Variants in RGS7 observed in about 807,000 individuals in gnomAD.
The protein encoded by RGS7 is regulator of G-protein signaling 7.
In RGS7, 27 loss-of-function variants were observed where a neutral mutation model predicts 81.1. The ratio of observed to expected loss-of-function variants is 0.33; its 90% CI spans 0.25 to 0.46. The LOEUF (loss-of-function observed/expected upper bound fraction) is 0.46, where lower values mean the gene tolerates loss of function less well. RGS7 is among the 20% of genes least tolerant of loss of function. The pLI is 1.00. For missense variants in RGS7, 396 were observed against 607.4 expected (o/e 0.65, Z 3.66); for synonymous variants, 208 against 207.7 (o/e 1.00, Z -0.01).
chr1:240,966,487 C>CA (rs2148492282), intron 4 of RGS7, among the ~76,000 whole-genome samples: 1 of 152,128 alleles, frequency 6.6e-6, no homozygotes, highest in African/African-American at 2.4e-5. Context: ...TATGGCCTTG[C>CA]TGTTCCTTTG....
chr1:241,030,115 T>C lies in RGS7; in HGVS notation c.176-46986A>G, dbSNP rs760196750. Among the ~76,000 whole-genome samples the C allele has an allele frequency of 8.9e-4, 135 of 152,140 alleles. 1 individual carries two copies. Among genetic ancestry groups the C allele is most frequent in the African/African-American group, 3.2e-3 (134 of 41,434 alleles). ...TTTTAGGTTGTCACTTTCTCACTGA[T>C]GCTTGGCAATTTACTTAAGGGAATA... On this transcript the variant is annotated intron_variant, in intron 3 of 18. Transcript: ENST00000440928.
Position 241,056,402 on chromosome 1 carries a change from T to G in RGS7, c.175+42264A>C, listed in dbSNP as rs550099392. Among the ~76,000 whole-genome samples, 33 of 152,346 alleles carry G rather than the reference T, an allele frequency of 2.2e-4. No homozygotes were observed. In the South Asian group the frequency reaches 6.8e-3, roughly 32 times the overall value. On this transcript the variant is annotated intron_variant, in intron 3 of 18. Coordinates refer to ENST00000440928, the MANE Select transcript of RGS7 (RefSeq NM_001364886.1). The stretch of plus-strand genomic sequence containing the variant: ...CTGTACCCATCTCATCTCATTCATT[T>G]ACGTTTTTGTGTGTGCCTTTATTTT...
chr1:240,793,611 A>ATATATATATATATATATTTTTT, intron 18 of RGS7, among the ~76,000 whole-genome samples: 45 of 78,728 alleles, frequency 5.7e-4, no homozygotes, highest in African/African-American at 1.2e-3. Flanking sequence ...ATATATATAT[A>ATATATATATATATATATTTTTT]TTTTTTTTTT....
chr1:240,959,383 A>G (rs1195853941), intron 4 of RGS7, among the ~76,000 whole-genome samples: 2 of 152,326 alleles, frequency 1.3e-5, no homozygotes, highest in Middle Eastern at 3.4e-3. Context: ...TATATGGTAT[A>G]GCCTATTGCT....
intron 2 of RGS7, among the ~76,000 whole-genome samples, chr1:241,265,580 T>C (rs1489104937): frequency 3.3e-5 from 5 of 151,864 alleles, no homozygotes; most frequent in Admixed American, 3.3e-4. Context: ...GGCTCCAAAG[T>C]TTACATAGGT....
chr1:240,901,365 C>T (rs909039047), intron 6 of RGS7, among the ~76,000 whole-genome samples: 13 of 152,288 alleles, frequency 8.5e-5, no homozygotes, highest in African/African-American at 3.1e-4. Flanking sequence ...CCGTCTTCTG[C>T]GTCGCTCATG....
chr1:241,226,090 G>A (rs1371774635), intron 2 of RGS7, among the ~76,000 whole-genome samples: 1 of 152,106 alleles, frequency 6.6e-6, no homozygotes, highest in Non-Finnish European at 1.5e-5. Context: ...CAAGAGTGAT[G>A]GAGATGAGAG....
chr1:240,895,630 T>G (rs261814), intron 6 of RGS7, among the ~76,000 whole-genome samples: 1 of 152,016 alleles, frequency 6.6e-6, no homozygotes, highest in Non-Finnish European at 1.5e-5. Flanking sequence ...TCCTTTTTTA[T>G]GGCTGCATAG....
intron 2 of RGS7, among the ~76,000 whole-genome samples, chr1:241,351,925 G>A (rs975946726): frequency 7.9e-5 from 12 of 152,216 alleles, no homozygotes; most frequent in Non-Finnish European, 1.5e-4. Flanking sequence ...TCTTGCTAGT[G>A]AGAAGCCAGC....
intron 3 of RGS7, among the ~76,000 whole-genome samples, chr1:241,081,895 T>C (rs2063153095): frequency 6.6e-6 from 1 of 152,200 alleles, no homozygotes; most frequent in African/African-American, 2.4e-5. Context: ...GATTTGGTTG[T>C]ACTGAGAAGA....
intron 2 of RGS7, among the ~76,000 whole-genome samples, chr1:241,299,830 A>C (rs1336952368): frequency 6.6e-6 from 1 of 151,182 alleles, no homozygotes; most frequent in Non-Finnish European, 1.5e-5. Context: ...TAAAAAAAAA[A>C]AAAGGCTGGG....
At chr1:241,098,908 G>C in intron 2 of RGS7, 146 bp from the exon 3 acceptor site, 2 of 659,300 alleles carry the variant, frequency 3.0e-6, no homozygotes, top group South Asian at 1.7e-5. Context: ...CACATTAATA[G>C]TTTAAATACT....
chr1:241,246,976 G>T (rs2076579587), intron 2 of RGS7, among the ~76,000 whole-genome samples: 1 of 151,952 alleles, frequency 6.6e-6, no homozygotes, highest in African/African-American at 2.4e-5. Context: ...CCATCTCCTA[G>T]AAACTCCCAG....
intron 2 of RGS7, among the ~76,000 whole-genome samples, chr1:241,226,927 C>T (rs902366857): frequency 1.3e-5 from 2 of 152,130 alleles, no homozygotes; most frequent in African/African-American, 4.8e-5. Flanking sequence ...TTCTCTGATG[C>T]TTTCATTAAA....
intron 4 of RGS7, among the ~76,000 whole-genome samples, chr1:240,939,824 A>C (rs992807323): frequency 6.6e-6 from 1 of 152,158 alleles, no homozygotes; most frequent in Non-Finnish European, 1.5e-5. Context: ...TAATCCCAGC[A>C]CTTCGGGAGG....
intron 2 of RGS7, among the ~76,000 whole-genome samples, chr1:241,220,973 GGAA>G (rs2074884393): frequency 1.3e-5 from 1 of 74,490 alleles, no homozygotes; most frequent in East Asian, 7.0e-4. Context: ...AAGGAAGGAA[GGAA>G]GGAAGGAAGG....
rs941310842 is a variant in RGS7, at chr1:241,051,729, C to T, written c.175+46937G>A. ...AAAAATCTGAGAACCAAGATGCATG[C>T]ATTTGCTTGCATCAACAGATAACGG... On this transcript the variant is annotated intron_variant, in intron 3 of 18. Transcript: ENST00000440928. Among the ~76,000 whole-genome samples, 6 of 152,280 alleles carry T rather than the reference C, an allele frequency of 3.9e-5. No homozygotes were observed. The South Asian group carries it at 1.2e-3, about 32-fold the overall frequency.
At chr1:241,023,513 T>G (rs933237077) in intron 3 of RGS7, among the ~76,000 whole-genome samples, 3 of 152,174 alleles carry the variant, frequency 2.0e-5, no homozygotes, top group African/African-American at 7.2e-5. Context: ...CACAAAGATA[T>G]GAGAAAATTA....
At chr1:240,872,412 T>C (rs1056899548) in intron 6 of RGS7, among the ~76,000 whole-genome samples, 7 of 152,026 alleles carry the variant, frequency 4.6e-5, no homozygotes, top group East Asian at 1.9e-4. Context: ...TGAGCTATGA[T>C]TGCACCACTG....
Sources: allele counts gnomAD v4.1 joint callset (sites outside exome capture counted in the v4.1 genomes callset), GRCh38; gene constraint gnomAD v4.1.1; transcripts MANE v1.5; gene names NCBI Gene and HGNC (gene_info 2026-07-23, HGNC 2026-07-21).